OXR1: variants seen among roughly 807,000 people sequenced by gnomAD.
OXR1 encodes oxidation resistance protein 1.
Under a neutral mutation model 104.6 loss-of-function variants are expected in OXR1, and 41 were observed. The observed-to-expected ratio is 0.39, with a 90% CI of 0.31 to 0.51. The LOEUF (loss-of-function observed/expected upper bound fraction) is 0.51, where lower values mean the gene tolerates loss of function less well. Among genes scored for constraint, OXR1 ranks in the 20% least tolerant of loss-of-function variants. The probability of loss-of-function intolerance (pLI) is 0.77; values close to 1 mark genes in which losing one functional copy is unlikely to be tolerated. For synonymous variants in OXR1, 348 were observed against 348.4 expected, an observed-to-expected ratio of 1.00 and a Z score of 0.01; for missense variants, 955 against 1,031.9, an observed-to-expected ratio of 0.93 and a Z score of 1.02.
At chr8:106,708,583 A>C (rs1266894858) in intron 9 of OXR1, among the ~76,000 whole-genome samples, 1 of 152,132 alleles carries the variant, frequency 6.6e-6, no homozygotes, top group Non-Finnish European at 1.5e-5. Flanking sequence ...TTCAAAGTTC[A>C]TTTATTCTGT....
At chr8:106,504,628 T>A (rs942054979) in intron 2 of OXR1, among the ~76,000 whole-genome samples, 1 of 152,236 alleles carries the variant, frequency 6.6e-6, no homozygotes, top group Non-Finnish European at 1.5e-5. Flanking sequence ...CATTAATAGT[T>A]GAACTAGGCT....
chr8:106,391,793 T>G (rs1391977510), intron 2 of OXR1, among the ~76,000 whole-genome samples: 1 of 152,146 alleles, frequency 6.6e-6, no homozygotes, highest in African/African-American at 2.4e-5. Flanking sequence ...AAGCCATTCT[T>G]TACATAAGAG....
At chr8:106,392,017 A>AAAGCATCAT (rs1354969575) in intron 2 of OXR1, among the ~76,000 whole-genome samples, 1 of 152,148 alleles carries the variant, frequency 6.6e-6, no homozygotes, top group African/African-American at 2.4e-5. Context: ...GCATGACACA[A>AAAGCATCAT]AAGCATCATC....
chr8:106,730,330 G>A (rs1230370382), intron 11 of OXR1, among the ~76,000 whole-genome samples: 1 of 152,046 alleles, frequency 6.6e-6, no homozygotes, highest in Non-Finnish European at 1.5e-5. Context: ...CATGTATCTA[G>A]TTGTAGAATC....
At chr8:106,425,522 C>A (rs1003344865) in intron 2 of OXR1, among the ~76,000 whole-genome samples, 1 of 152,040 alleles carries the variant, frequency 6.6e-6, no homozygotes, top group African/African-American at 2.4e-5. Context: ...AAGAAAAGAA[C>A]CAGGGATCAG....
intron 7 of OXR1, among the ~76,000 whole-genome samples, chr8:106,694,917 TTATATATATTTA>T (rs1829809908): frequency 7.6e-6 from 1 of 130,776 alleles, no homozygotes; most frequent in Admixed American, 8.3e-5. Flanking sequence ...ATTTACATAT[TTATATATATTTA>T]TATATATATA....
chr8:106,740,573 C>A, intron 14 of OXR1, 78 bp downstream of exon 14: 2 of 1,206,124 alleles, frequency 1.7e-6, no homozygotes, highest in Non-Finnish European at 1.2e-6. Flanking sequence ...ATTTGATAAA[C>A]ATTACTTTAT....
intron 1 of OXR1, among the ~76,000 whole-genome samples, chr8:106,338,309 C>T (rs1045091469): frequency 3.3e-5 from 5 of 152,070 alleles, no homozygotes; most frequent in Admixed American, 3.3e-4. Flanking sequence ...GGCGTGGTGG[C>T]TTATACCTGT....
chr8:106,628,739 G>A (rs369127155), intron 3 of OXR1, among the ~76,000 whole-genome samples: 3 of 152,114 alleles, frequency 2.0e-5, no homozygotes, highest in African/African-American at 7.2e-5. Flanking sequence ...CATACTTCAA[G>A]TGTAATGGTT....
At chr8:106,346,971 A>C (rs1815512623) in intron 1 of OXR1, among the ~76,000 whole-genome samples, 1 of 152,232 alleles carries the variant, frequency 6.6e-6, no homozygotes, top group African/African-American at 2.4e-5. Flanking sequence ...TGAACCCAGG[A>C]GGTGGAGCTT....
chr8:106,504,694 G>T (rs992266284), intron 2 of OXR1, among the ~76,000 whole-genome samples: 3 of 152,062 alleles, frequency 2.0e-5, no homozygotes, highest in African/African-American at 7.2e-5. Context: ...TGTACTTTTT[G>T]TTATCATCAG....
At chr8:106,485,981 G>C (rs1810627706) in intron 2 of OXR1, among the ~76,000 whole-genome samples, 1 of 151,872 alleles carries the variant, frequency 6.6e-6, no homozygotes, top group African/African-American at 2.4e-5. Context: ...GGAGTTTGAG[G>C]AGATATTGTT....
intron 2 of OXR1, among the ~76,000 whole-genome samples, chr8:106,515,024 G>T (rs1225460008): frequency 6.6e-6 from 1 of 151,888 alleles, no homozygotes; most frequent in Admixed American, 6.6e-5. Context: ...TTGACATTTT[G>T]TATGTCAAAA....
intron 3 of OXR1, among the ~76,000 whole-genome samples, chr8:106,535,638 T>C (rs1259565099): frequency 6.6e-6 from 1 of 152,096 alleles, no homozygotes; most frequent in Admixed American, 6.5e-5. Flanking sequence ...CAACATGAAA[T>C]TTACATCATT....
intron 3 of OXR1, chr8:106,657,796 C>A: frequency 8.2e-7 from 1 of 1,217,170 alleles, no homozygotes; most frequent in Non-Finnish European, 1.0e-6. Context: ...TCCCCCGACG[C>A]GTGGTTTCCT....
chr8:106,689,329 G>A (rs1248323999), intron 6 of OXR1, among the ~76,000 whole-genome samples: 1 of 151,862 alleles, frequency 6.6e-6, no homozygotes, highest in Non-Finnish European at 1.5e-5. Flanking sequence ...TTCACATGGT[G>A]GTCTCTTCTT....
At chr8:106,586,286 A>C (rs1488727568) in intron 3 of OXR1, among the ~76,000 whole-genome samples, 1 of 152,164 alleles carries the variant, frequency 6.6e-6, no homozygotes, top group African/African-American at 2.4e-5. Flanking sequence ...TTCCTGGTGA[A>C]TACGATGGGG....
intron 11 of OXR1, among the ~76,000 whole-genome samples, chr8:106,717,726 A>G (rs1378531097): frequency 1.3e-5 from 2 of 152,224 alleles, no homozygotes; most frequent in Non-Finnish European, 1.5e-5. Flanking sequence ...TTATTAATGG[A>G]TAAACTTGGG....
chr8:106,496,483 C>T (rs897197942), intron 2 of OXR1, among the ~76,000 whole-genome samples: 6 of 152,314 alleles, frequency 3.9e-5, no homozygotes, highest in African/African-American at 1.4e-4. Flanking sequence ...TTATTCTGCT[C>T]CATGTCTCCT....
Sources: gnomAD v4.1 joint callset for allele counts (sites outside exome capture counted in the v4.1 genomes callset) on GRCh38, gnomAD v4.1.1 for gene constraint, MANE v1.5 for transcripts, NCBI Gene and HGNC (gene_info 2026-07-23, HGNC 2026-07-21) for gene names.